RELN: variants seen among roughly 807,000 people sequenced by gnomAD.
RELN encodes the protein reelin.
In RELN, 108 loss-of-function variants were observed where a neutral mutation model predicts 427.6. The observed-to-expected ratio is 0.25, with a 90% CI of 0.22 to 0.30. The LOEUF is 0.30. RELN is among the 10% of genes least tolerant of loss of function. The pLI, the probability that RELN is intolerant of heterozygous loss-of-function variation, is 1.00. For missense variants in RELN, 3,715 were observed against 4,302.8 expected, an observed-to-expected ratio of 0.86 and a Z score of 3.82; for synonymous variants, 1,524 against 1,513.4, an observed-to-expected ratio of 1.01 and a Z score of -0.16.
At chr7:103,703,309 GC>G (rs1834132670) in intron 8 of RELN, among the ~76,000 whole-genome samples, 1 of 152,136 alleles carries the variant, frequency 6.6e-6, no homozygotes, top group Non-Finnish European at 1.5e-5. Flanking sequence ...AACTAGGTAA[GC>G]TTTTTCTTCA....
At chr7:103,816,859 T>C (rs1792884614) in intron 3 of RELN, among the ~76,000 whole-genome samples, 1 of 151,934 alleles carries the variant, frequency 6.6e-6, no homozygotes, top group Non-Finnish European at 1.5e-5. Context: ...CTTATATTTC[T>C]TTTTTTTCTT....
chr7:103,613,406 T>A (rs1262940514), intron 20 of RELN, among the ~76,000 whole-genome samples: 1 of 152,184 alleles, frequency 6.6e-6, no homozygotes, highest in Non-Finnish European at 1.5e-5. Flanking sequence ...ATGATTGCTG[T>A]TATGTGTTTG....
Position 103,561,913 on chromosome 7 carries a change from T to G in RELN, c.5251A>C (p.Thr1751Pro). The G allele has an allele frequency of 1.2e-6, 2 of 1,604,242 alleles. No homozygotes were observed. The stretch of plus-strand genomic sequence containing the variant: ...ATCGCCCAGGAATCAGCCCCCACAG[T>G]GTAGTTGGCCTGAATCCATCTGAAC... ...TRFRWIQANY[T>P]VGADSWAIDN... is the part of the protein sequence containing the mutation. The change falls in exon 35 of 65, where the codon ACT becomes CCT. Residue 1751 changes from threonine (T) to proline (P), a missense_variant. Transcript: ENST00000428762.
chr7:103,891,682 A>G (rs1794852890), intron 2 of RELN, among the ~76,000 whole-genome samples: 1 of 152,044 alleles, frequency 6.6e-6, no homozygotes, highest in Non-Finnish European at 1.5e-5. Flanking sequence ...ATCTTCCCAC[A>G]TGCTCCTCTT....
chr7:103,696,515 G>A (rs1833978982), intron 10 of RELN, among the ~76,000 whole-genome samples: 1 of 152,080 alleles, frequency 6.6e-6, no homozygotes, highest in Non-Finnish European at 1.5e-5. Context: ...CCTTCACTAT[G>A]TTTCCTTTTC....
chr7:103,731,458 C>T (rs1027422281), intron 6 of RELN, among the ~76,000 whole-genome samples: 1 of 151,956 alleles, frequency 6.6e-6, no homozygotes, highest in African/African-American at 2.4e-5. Context: ...CAAACAATGC[C>T]CCAATTAATT....
At chr7:103,694,826 GT>G (rs556518793) in intron 10 of RELN, among the ~76,000 whole-genome samples, 8 of 138,960 alleles carry the variant, frequency 5.8e-5, no homozygotes, top group Non-Finnish European at 1.1e-4. Context: ...TGCCTGGCTA[GT>G]TTTTTTTTTT....
intron 3 of RELN, among the ~76,000 whole-genome samples, chr7:103,785,972 G>A (rs962949385): frequency 1.4e-4 from 22 of 151,780 alleles, no homozygotes; most frequent in African/African-American, 5.1e-4. Flanking sequence ...TGAAGTCAAT[G>A]AAAGCTCCAA....
intron 20 of RELN, among the ~76,000 whole-genome samples, chr7:103,614,126 T>TA (rs1324836671): frequency 5.9e-5 from 9 of 152,158 alleles, no homozygotes; most frequent in Non-Finnish European, 1.2e-4. Flanking sequence ...AGAAACAAGA[T>TA]AAAAATTACG....
intron 2 of RELN, among the ~76,000 whole-genome samples, chr7:103,907,637 T>A (rs908671500): frequency 6.6e-6 from 1 of 151,698 alleles, no homozygotes; most frequent in Non-Finnish European, 1.5e-5. Context: ...TGGTGTTAGT[T>A]GTACAATCTT....
At chr7:103,965,214 A>C (rs947697682) in intron 1 of RELN, among the ~76,000 whole-genome samples, 21 of 152,358 alleles carry the variant, frequency 1.4e-4, no homozygotes, top group Non-Finnish European at 2.5e-4. Flanking sequence ...TTTTTAAATC[A>C]AAATGAGAGA....
chr7:103,502,787 A>G (rs1277802090), intron 52 of RELN, among the ~76,000 whole-genome samples: 2 of 152,232 alleles, frequency 1.3e-5, no homozygotes, highest in African/African-American at 4.8e-5. Context: ...TTAGAAAATA[A>G]GAGTCTGCAA....
chr7:103,578,082 C>G (rs924030530), intron 28 of RELN, among the ~76,000 whole-genome samples: 1 of 152,068 alleles, frequency 6.6e-6, no homozygotes, highest in African/African-American at 2.4e-5. Flanking sequence ...AAAGTTTTGG[C>G]AATTTGATAG....
chr7:103,664,499 G>A (rs570467899), intron 11 of RELN, among the ~76,000 whole-genome samples: 1 of 152,314 alleles, frequency 6.6e-6, no homozygotes, highest in Admixed American at 6.5e-5. Flanking sequence ...AATCTCTGCT[G>A]AGAAAGGCTG....
intron 22 of RELN, among the ~76,000 whole-genome samples, chr7:103,604,876 C>T (rs1283140139): frequency 6.8e-6 from 1 of 147,246 alleles, no homozygotes; most frequent in African/African-American, 2.5e-5. Flanking sequence ...GTTGCCCAGG[C>T]TGGATTGCAA....
At chr7:103,780,590 C>T (rs1052155275) in intron 3 of RELN, among the ~76,000 whole-genome samples, 1 of 152,050 alleles carries the variant, frequency 6.6e-6, no homozygotes, top group Non-Finnish European at 1.5e-5. Flanking sequence ...TGTGTTGTTC[C>T]TCTCTATGTG....
chr7:103,711,140 A>G (rs1789788426), intron 8 of RELN, among the ~76,000 whole-genome samples: 1 of 152,238 alleles, frequency 6.6e-6, no homozygotes, highest in African/African-American at 2.4e-5. Flanking sequence ...GGGAGTTAAC[A>G]AAAATGTTGT....
intron 12 of RELN, among the ~76,000 whole-genome samples, chr7:103,660,615 T>C (rs1335723156): frequency 6.6e-6 from 1 of 152,182 alleles, no homozygotes; most frequent in African/African-American, 2.4e-5. Flanking sequence ...TGAACTGACA[T>C]CTTTGCTAGT....
intron 2 of RELN, among the ~76,000 whole-genome samples, chr7:103,843,533 A>G (rs1391797985): frequency 2.0e-5 from 3 of 152,206 alleles, no homozygotes; most frequent in Non-Finnish European, 2.9e-5. Context: ...AACCCTGTCC[A>G]AATCCAGTTA....
Sources: gnomAD v4.1 joint callset for allele counts (sites outside exome capture counted in the v4.1 genomes callset) on GRCh38, gnomAD v4.1.1 for gene constraint, MANE v1.5 for transcripts, NCBI Gene and HGNC (gene_info 2026-07-23, HGNC 2026-07-21) for gene names.